Variants in NECAB3 observed in about 807,000 individuals in gnomAD.
NECAB3 encodes N-terminal EF-hand calcium-binding protein 3.
NECAB3 carries 38 observed loss-of-function variants against 57.2 expected under a neutral mutation model. The observed-to-expected ratio is 0.66, with a 90% CI of 0.51 to 0.87. The LOEUF is 0.87. NECAB3 is among the 40% of genes least tolerant of loss of function. NECAB3 has a pLI of 0.00. For synonymous variants in NECAB3, 223 were observed against 222.6 expected (o/e 1.00, Z -0.02); for missense variants, 474 against 527.5 (o/e 0.90, Z 0.99).
chr20:33,668,204 G>A, intron 5 of NECAB3: 5 of 1,604,232 alleles, frequency 3.1e-6, no homozygotes, highest in Non-Finnish European at 4.3e-6. Flanking sequence ...CAGGAGTGTG[G>A]CTCCAGGCTG....
intron 5 of NECAB3, chr20:33,668,113 G>A (rs764487799): frequency 6.2e-7 from 1 of 1,609,632 alleles, no homozygotes; most frequent in Admixed American, 1.7e-5. Flanking sequence ...GCATGGGCGT[G>A]GCATGGCTGT....
At chr20:33,675,279 C>T (rs551125732), upstream of NECAB3, 1 of 153,160 alleles carries the variant, frequency 6.5e-6, no homozygotes, top group African/African-American at 2.4e-5. Flanking sequence ...CTGAGAGCAC[C>T]ATGAAAGGAG....
chr20:33,667,596 C>G (rs746160395), intron 5 of NECAB3: 1 of 1,579,542 alleles, frequency 6.3e-7, no homozygotes, highest in Admixed American at 1.8e-5. Flanking sequence ...CGCCCATCTA[C>G]GCGGGTCACT....
chr20:33,674,477 G>T (rs1466237110), upstream of NECAB3: 5 of 853,738 alleles, frequency 5.9e-6, no homozygotes, highest in African/African-American at 9.1e-5. Context: ...CCCCGCCCCC[G>T]CCCCGCCCCC....
chr20:33,668,076 G>A (rs41290882), intron 5 of NECAB3: 13 of 1,583,948 alleles, frequency 8.2e-6, no homozygotes, highest in Non-Finnish European at 8.6e-6. Context: ...ACGGCTACGC[G>A]GCCCTGCGGC....
chr20:33,668,439 C>T, intron 5 of NECAB3: 1 of 649,090 alleles, frequency 1.5e-6, no homozygotes, highest in Non-Finnish European at 2.4e-6. Context: ...CCAACCACTG[C>T]CAGTTCAGAG....
intron 5 of NECAB3, chr20:33,666,816 GGGCCTCA>G (rs2017666582): frequency 6.6e-6 from 1 of 152,304 alleles, no homozygotes; most frequent in Non-Finnish European, 1.5e-5. Flanking sequence ...ACTAGGGGCC[GGGCCTCA>G]GGCCTAGGAA....
chr20:33,660,100 C>G lies in NECAB3; in HGVS notation c.525-97G>C. The stretch of plus-strand genomic sequence containing the variant: ...AGCCTCCTGGGACTCCGAGGCCTAG[C>G]CCCAAAGCCAGTCTCATTTCACCCC... On this transcript the variant is annotated intron_variant, in intron 6 of 11. Transcript: ENST00000246190. This position sits in a 1 kb window ranked among gnomAD's most constrained non-coding sequence, Gnocchi z 4.1. 6.6e-7 allele frequency: 1 copy of G among 1,521,134 alleles called. No homozygotes were observed. Among genetic ancestry groups the G allele is most frequent in the Non-Finnish European group, 8.8e-7 (1 of 1,137,024 alleles). The allele number at this position is 1,521,134 out of a possible 1,614,324, so 94.2% of individuals were successfully genotyped here.
At position 33,674,332 on chromosome 20, in the gene NECAB3, G is replaced by A. The variant is rs933312704; in HGVS notation, c.21C>T (p.Leu7=). The change falls in exon 1 of 12, where the codon CTC becomes CTT. Residue 7 remains leucine, a synonymous_variant. Coordinates refer to ENST00000246190, the MANE Select transcript of NECAB3 (RefSeq NM_031232.4). ...CGGGCGGCCGGAGCAGGCACACGGT[G>A]AGCAGCCCCGCGCACGCCATGGCGC... is the stretch of plus-strand genomic sequence containing the variant. MACAGL[L]TVCLLRPPAP... is the part of the protein sequence containing the mutation. 3 of 1,207,964 alleles carry A rather than the reference G, an allele frequency of 2.5e-6. No homozygotes were observed. Among genetic ancestry groups the A allele is most frequent in the Non-Finnish European group, 2.1e-6 (2 of 972,448 alleles). The allele number at this position is 1,207,964 out of a possible 1,614,324, so 74.8% of individuals were successfully genotyped here. A position where few individuals can be genotyped will look rare whatever the true frequency, so the allele number is the denominator to read the frequency against.
intron 3 of NECAB3, chr20:33,670,457 T>C (rs571080692): frequency 1.1e-5 from 5 of 440,388 alleles, no homozygotes; most frequent in African/African-American, 1.0e-4. Context: ...GAGCCATGGG[T>C]GGTGACTCAG....
intron 5 of NECAB3, chr20:33,667,649 C>A: frequency 6.2e-7 from 1 of 1,609,044 alleles, no homozygotes; most frequent in Non-Finnish European, 8.5e-7. Flanking sequence ...GCAGGCAGCA[C>A]CCTGTCGCGC....
Position 33,670,695 on chromosome 20 carries a change from C to T in NECAB3, c.252G>A (p.Gly84=). ...CCTCTCATACTCACTCGGTGAGATG[C>T]CCATCAATGCCGCTGAACAGTTCCT... is the stretch of plus-strand genomic sequence containing the variant. ...ELQELFSGID[G]HLTDNLETEK... is the part of the protein sequence containing the mutation. Residue 84 remains glycine, a synonymous_variant, in exon 3 of 12, where the codon GGG becomes GGA. Transcript: ENST00000246190. 1.2e-6 allele frequency: 2 copies of T among 1,613,342 alleles called. No homozygotes were observed. The highest frequency in any genetic ancestry group is 1.7e-6 in the Non-Finnish European group (2 of 1,179,418).
chr20:33,658,098 C>T, intron 10 of NECAB3, 65 bp from the exon 11 acceptor site: 2 of 1,410,912 alleles, frequency 1.4e-6, no homozygotes, highest in Non-Finnish European at 1.9e-6. Context: ...CTGCCAGGAT[C>T]AGACCCCGGC....
chr20:33,667,527 C>T (rs1423505731), intron 5 of NECAB3: 3 of 1,536,342 alleles, frequency 2.0e-6, no homozygotes, highest in Non-Finnish European at 2.6e-6. Flanking sequence ...TGGCGCTCTG[C>T]TCCACCGGCG....
chr20:33,658,883 A>T (rs746136239), intron 8 of NECAB3, 49 bp from the exon 9 acceptor site: 3 of 1,395,116 alleles, frequency 2.2e-6, no homozygotes, highest in Admixed American at 1.8e-5. Context: ...GGCACAGGGG[A>T]GGGACTGGCT....
chr20:33,672,363 G>T (rs754370071), intron 2 of NECAB3, 35 bp downstream of exon 2: 1 of 1,613,798 alleles, frequency 6.2e-7, no homozygotes, highest in South Asian at 1.1e-5. Context: ...CTCCCACCCT[G>T]CCCCACTGTG....
intron 5 of NECAB3, among the ~76,000 whole-genome samples, chr20:33,668,737 C>T (rs922331169): frequency 1.3e-5 from 2 of 152,230 alleles, no homozygotes; most frequent in Non-Finnish European, 2.9e-5. Flanking sequence ...GGCACAATCC[C>T]GGGCCTGCTC....
intron 5 of NECAB3, chr20:33,663,959 G>A: frequency 1.7e-6 from 2 of 1,179,348 alleles, no homozygotes; most frequent in Non-Finnish European, 2.2e-6. Flanking sequence ...GAGTCGGGGT[G>A]GGCAAAGCTC....
intron 5 of NECAB3, chr20:33,666,519 G>A (rs2017656559): frequency 6.6e-6 from 1 of 152,410 alleles, no homozygotes; most frequent in Non-Finnish European, 1.5e-5. Context: ...GTCAAGCCCA[G>A]GTGAGAGGTG....
Sources: gnomAD v4.1 joint callset for allele counts (sites outside exome capture counted in the v4.1 genomes callset) on GRCh38, gnomAD v4.1.1 for gene constraint, Gnocchi (gnomAD v3.1) non-coding constraint, MANE v1.5 for transcripts, NCBI Gene and HGNC (gene_info 2026-07-23, HGNC 2026-07-21) for gene names.